Variants in FHL1 observed in about 807,000 individuals in gnomAD.
FHL1 encodes the protein four and a half LIM domains 1.
In FHL1, 1 loss-of-function variant was observed where a neutral mutation model predicts 20.3. That is an observed-to-expected ratio of 0.05 (90% CI 0.02 to 0.23). FHL1 has a LOEUF of 0.23. Ranked by LOEUF, FHL1 falls within the 10% of genes least tolerant of loss-of-function variation. FHL1 has a pLI of 1.00. For missense variants in FHL1, 177 were observed against 234.0 expected (o/e 0.76, Z 1.59); for synonymous variants, 82 against 88.9 (o/e 0.92, Z 0.44).
chrX:136,208,718 G>A (rs1178949748), intron 5 of FHL1, 77 bp downstream of exon 5: 24 of 1,005,402 alleles, frequency 2.4e-5, no homozygotes, highest in South Asian at 3.8e-5. Flanking sequence ...TCCTGTCGTC[G>A]GTTTCATCCA....
At chrX:136,146,894 T>C (rs1282074489), upstream of FHL1, 3 of 327,798 alleles carry the variant, frequency 9.2e-6, no homozygotes, top group Non-Finnish European at 5.9e-6. Flanking sequence ...TCCGGCTTGC[T>C]ACTAAGGGGA....
intron 1 of FHL1, among the ~76,000 whole-genome samples, chrX:136,153,284 T>G (rs865893247): frequency 7.9e-4 from 69 of 87,561 alleles, no homozygotes; most frequent in Non-Finnish European, 1.1e-3. Flanking sequence ...TTGCGGGAGG[T>G]GGGGGGGGGC....
intron 2 of FHL1, among the ~76,000 whole-genome samples, chrX:136,170,707 CGATACAGTAAT>C (rs1569528811): frequency 9.0e-6 from 1 of 111,017 alleles, no homozygotes; most frequent in African/African-American, 3.3e-5. Context: ...CATCCAGGCA[CGATACAGTAAT>C]GGTCCCTCCT....
At chrX:136,156,116 A>G (rs984038701) in intron 1 of FHL1, among the ~76,000 whole-genome samples, 1 of 111,678 alleles carries the variant, frequency 9.0e-6, no homozygotes, top group Non-Finnish European at 1.9e-5. Flanking sequence ...AAAAAGGCAC[A>G]GATAGGAAAT....
chrX:136,177,086 A>C (rs1165964540), intron 2 of FHL1, among the ~76,000 whole-genome samples: 2 of 109,658 alleles, frequency 1.8e-5, no homozygotes, highest in African/African-American at 6.6e-5. Context: ...AGTGAAATAA[A>C]GTATTATTTA....
At chrX:136,161,700 C>A (rs1288171395) in intron 1 of FHL1, among the ~76,000 whole-genome samples, 2 of 111,457 alleles carry the variant, frequency 1.8e-5, no homozygotes, top group Non-Finnish European at 3.8e-5. Flanking sequence ...GCGCCAATGC[C>A]AATTTAGGAA....
In FHL1 at chrX:136,209,855, T is replaced by C; in HGVS notation, c.737-16T>C. ...TTTCTCTTGTTTTCTTTTCTTTTCTTTTTTTTTCCCCCCAGGGTTTGGTAA... is the reference window on the plus strand; with the variant it reads ...TTTCTCTTGTTTTCTTTTCTTTTCTCTTTTTTTCCCCCCAGGGTTTGGTAA... On this transcript the variant is annotated splice_polypyrimidine_tract_variant and intron_variant, in intron 5 of 5. Transcript: ENST00000370683. 1.7e-6 allele frequency: 2 copies of C among 1,205,819 alleles called. No homozygotes were observed. The highest frequency in any genetic ancestry group is 2.2e-6 in the Non-Finnish European group (2 of 892,470).
At chrX:136,197,212 G>A in intron 1 of FHL1, 78 bp downstream of exon 1, 1 of 927,447 alleles carries the variant, frequency 1.1e-6, no homozygotes, top group South Asian at 2.2e-5. Flanking sequence ...CTAAAAGATG[G>A]TTTTTGATGA....
intron 2 of FHL1, among the ~76,000 whole-genome samples, chrX:136,175,241 A>G (rs140163950): frequency 0.031 from 3,440 of 112,639 alleles, 58 homozygotes; most frequent in Middle Eastern, 0.06. Flanking sequence ...CCTCACTGGT[A>G]TGCAAAGATA....
chrX:136,171,865 T>G lies in FHL1; in HGVS notation c.-27+1885T>G, dbSNP rs190325707. On this transcript the variant is annotated intron_variant, in intron 2 of 6. Coordinates refer to the FHL1 transcript ENST00000394153. ...ATCTGCTAAATTCTGTTTTTTTTAT[T>G]TTTTTAAATTTTTTATTGATTTATT... is the stretch of plus-strand genomic sequence containing the variant. 7.9e-5 allele frequency among the ~76,000 whole-genome samples: 7 copies of G among 88,985 alleles called. No homozygotes were observed. In the East Asian group the frequency reaches 1.8e-3, roughly 23 times the overall value. 77.3% of individuals were successfully genotyped at this position (88,985 alleles called of 115,157 possible).
At chrX:136,199,671 T>A (rs2073655707) in intron 1 of FHL1, among the ~76,000 whole-genome samples, 1 of 112,811 alleles carries the variant, frequency 8.9e-6, no homozygotes, top group Non-Finnish European at 1.9e-5. Context: ...ACTAATGTAC[T>A]GGTAGGTTGG....
At chrX:136,158,145 C>G (rs779790654) in intron 1 of FHL1, among the ~76,000 whole-genome samples, 42 of 111,972 alleles carry the variant, frequency 3.8e-4, no homozygotes, top group African/African-American at 1.2e-3. Context: ...ATTAATAACC[C>G]TATCCCTTGA....
At position 136,210,389 on chromosome X, in the gene FHL1, G is replaced by A. The variant is rs1206344760; in HGVS notation, c.*364G>A. ...AAACCCCCACTGAGATGCCTCTCAT[G>A]CCTCAGCTGGGACCCACCGTGTAGA... is the stretch of plus-strand genomic sequence containing the variant. On this transcript the variant is annotated 3_prime_UTR_variant, in exon 6 of 6. Coordinates refer to ENST00000370683, the MANE Select transcript of FHL1 (RefSeq NM_001159699.2). The A allele has an allele frequency of 1.8e-5, 7 of 397,842 alleles. No individual in the cohort carries two copies. The highest frequency in any genetic ancestry group is 2.8e-5 in the Non-Finnish European group (6 of 212,838). The allele number at this position is 397,842 out of a possible 1,213,427, so 32.8% of individuals were successfully genotyped here.
At chrX:136,150,376 G>T (rs913991738) in intron 1 of FHL1, among the ~76,000 whole-genome samples, 22 of 111,267 alleles carry the variant, frequency 2.0e-4, no homozygotes, top group Non-Finnish European at 4.0e-4. Flanking sequence ...TTTCTCCCCC[G>T]TCCGGTGCCA....
Position 136,211,242 on chromosome X carries a change from A to G in FHL1, c.*1217A>G, listed in dbSNP as rs1254733345. On this transcript the variant is annotated 3_prime_UTR_variant, in exon 6 of 6. Coordinates refer to ENST00000370683, the MANE Select transcript of FHL1 (RefSeq NM_001159699.2). ...ACATGTAATGACAATACATACTAAC[A>G]TTCTTGTAGGAGTGGTTAGAGAAGC... 2.9e-6 allele frequency: 1 copy of G among 348,186 alleles called. No homozygotes were observed. The highest frequency in any genetic ancestry group is 2.6e-5 in the African/African-American group (1 of 38,931). 28.7% of individuals were successfully genotyped at this position (348,186 alleles called of 1,213,427 possible). A position where few individuals can be genotyped will look rare whatever the true frequency, so the allele number is the denominator to read the frequency against.
intron 1 of FHL1, among the ~76,000 whole-genome samples, chrX:136,154,618 C>G (rs1039424030): frequency 2.7e-4 from 30 of 112,093 alleles, no homozygotes; most frequent in African/African-American, 9.4e-4. Flanking sequence ...TGCTTCCAAA[C>G]TAAGGTCAAA....
intron 5 of FHL1, 73 bp from the exon 6 acceptor site, chrX:136,209,798 T>C: frequency 9.0e-7 from 1 of 1,111,797 alleles, no homozygotes; most frequent in Non-Finnish European, 1.2e-6. Flanking sequence ...TCTCTCTGAA[T>C]CGTGGTTTCC....
chrX:136,149,085 T>C (rs72615473), intron 1 of FHL1, among the ~76,000 whole-genome samples: 14,138 of 111,946 alleles, frequency 0.13, 895 homozygotes, highest in East Asian at 0.37. Flanking sequence ...GGCAAGCTTA[T>C]AGAACAGCAG....
At chrX:136,148,764 A>C (rs2072182333) in intron 1 of FHL1, 1 of 112,225 alleles carries the variant, frequency 8.9e-6, no homozygotes, top group Non-Finnish European at 1.9e-5. Context: ...TTTTACAATA[A>C]AAACCCCATA....
Sources: gnomAD v4.1 joint callset for allele counts (sites outside exome capture counted in the v4.1 genomes callset) on GRCh38, gnomAD v4.1.1 for gene constraint, MANE v1.5 for transcripts, NCBI Gene and HGNC (gene_info 2026-07-23, HGNC 2026-07-21) for gene names.